SLC4A10: variants seen among roughly 807,000 people sequenced by gnomAD.
SLC4A10 encodes the protein sodium-driven chloride bicarbonate exchanger.
Under a neutral mutation model 137.7 loss-of-function variants are expected in SLC4A10, and 42 were observed. That is an observed-to-expected ratio of 0.30 (90% CI 0.24 to 0.39). SLC4A10 has a LOEUF of 0.39. Among genes scored for constraint, SLC4A10 ranks in the 10% least tolerant of loss-of-function variants. The probability of loss-of-function intolerance (pLI) is 1.00; values close to 1 mark genes in which losing one functional copy is unlikely to be tolerated. For synonymous variants in SLC4A10, 474 were observed against 464.1 expected, an observed-to-expected ratio of 1.02 and a Z score of -0.27; for missense variants, 925 against 1,355.0, an observed-to-expected ratio of 0.68 and a Z score of 4.98.
At chr2:161,967,682 T>G (rs1327093049) in intron 23 of SLC4A10, among the ~76,000 whole-genome samples, 1 of 152,214 alleles carries the variant, frequency 6.6e-6, no homozygotes, top group Non-Finnish European at 1.5e-5. Context: ...CATGTTTGTA[T>G]AGCTCACATT....
At chr2:161,901,193 A>G in intron 12 of SLC4A10, 182 bp downstream of exon 12, 1 of 590,824 alleles carries the variant, frequency 1.7e-6, no homozygotes, top group Non-Finnish European at 3.1e-6. Context: ...CTGTTAAACT[A>G]AAACAGTGGA....
intron 1 of SLC4A10, among the ~76,000 whole-genome samples, chr2:161,768,505 C>T (rs1374574993): frequency 1.3e-5 from 2 of 151,820 alleles, no homozygotes; most frequent in South Asian, 2.1e-4. Flanking sequence ...TGGATCTGGC[C>T]TCTCCTTCAT....
At chr2:161,871,805 A>C (rs899643468) in intron 6 of SLC4A10, among the ~76,000 whole-genome samples, 1 of 152,048 alleles carries the variant, frequency 6.6e-6, no homozygotes, top group Non-Finnish European at 1.5e-5. Context: ...GGCCAAAGAA[A>C]TTTTTTTCAT....
At chr2:161,777,577 C>T (rs538400788) in intron 2 of SLC4A10, among the ~76,000 whole-genome samples, 11 of 152,094 alleles carry the variant, frequency 7.2e-5, no homozygotes, top group Admixed American at 2.6e-4. Flanking sequence ...GCCTCACAAT[C>T]ATGGAAGGCA....
chr2:161,626,522 A>T (rs920084077), intron 1 of SLC4A10, among the ~76,000 whole-genome samples: 4 of 152,202 alleles, frequency 2.6e-5, no homozygotes, highest in Admixed American at 1.3e-4. Context: ...TCATATTAGC[A>T]GATCATCACA....
chr2:161,909,613 C>G (rs1422718326), intron 15 of SLC4A10, among the ~76,000 whole-genome samples: 1 of 152,174 alleles, frequency 6.6e-6, no homozygotes, highest in South Asian at 2.1e-4. Context: ...GTTGTTAAGC[C>G]TTGATTGGCT....
chr2:161,751,537 C>T (rs781700721), intron 1 of SLC4A10, among the ~76,000 whole-genome samples: 19 of 151,314 alleles, frequency 1.3e-4, no homozygotes, highest in Non-Finnish European at 2.5e-4. Context: ...TTTTATTCTC[C>T]CCTTGATTAT....
At chr2:161,809,969 G>T (rs62187681) in intron 3 of SLC4A10, among the ~76,000 whole-genome samples, 10,103 of 152,172 alleles carry the variant, frequency 0.066, 441 homozygotes, top group East Asian at 0.15. Context: ...GCTTTGGGCA[G>T]TATGGCCATT....
intron 10 of SLC4A10, 61 bp downstream of exon 10, chr2:161,882,505 G>A: frequency 9.5e-7 from 1 of 1,057,742 alleles, no homozygotes; most frequent in Non-Finnish European, 1.4e-6. Flanking sequence ...AACTTTTGGA[G>A]GTCCTCTTTT....
At chr2:161,977,238 T>G (rs1273449987) in intron 25 of SLC4A10, 1 of 344,304 alleles carries the variant, frequency 2.9e-6, no homozygotes, top group Non-Finnish European at 5.7e-6. Flanking sequence ...TAGACTGATA[T>G]GCACTGTGTG....
intron 1 of SLC4A10, among the ~76,000 whole-genome samples, chr2:161,682,803 T>C (rs561017546): frequency 5.3e-4 from 81 of 152,162 alleles, no homozygotes; most frequent in African/African-American, 1.9e-3. Context: ...CCACATGGTG[T>C]CTCCTGTAGG....
chr2:161,834,860 A>G lies in SLC4A10; in HGVS notation c.278-4929A>G, dbSNP rs117802210. Among the ~76,000 whole-genome samples, 7 of 152,184 alleles carry G rather than the reference A, an allele frequency of 4.6e-5. No homozygotes were observed. In the East Asian group the frequency reaches 1.2e-3, roughly 25 times the overall value. On this transcript the variant is annotated intron_variant, in intron 3 of 26. Coordinates refer to ENST00000446997, the MANE Select transcript of SLC4A10 (RefSeq NM_001178015.2). ...AGCAGTTTCTCTAAAAAACAGCAATAATCTCAATTATCTGAACTGAACTGA... is the reference window on the plus strand; with the variant it reads ...AGCAGTTTCTCTAAAAAACAGCAATGATCTCAATTATCTGAACTGAACTGA...
intron 3 of SLC4A10, among the ~76,000 whole-genome samples, chr2:161,822,782 A>C (rs755034463): frequency 6.6e-6 from 1 of 152,134 alleles, no homozygotes; most frequent in Non-Finnish European, 1.5e-5. Context: ...GGAGACCATC[A>C]TGGCCAACAT....
At chr2:161,868,010 C>T (rs904211545) in intron 6 of SLC4A10, among the ~76,000 whole-genome samples, 2 of 151,794 alleles carry the variant, frequency 1.3e-5, no homozygotes, top group African/African-American at 2.4e-5. Flanking sequence ...ATCCCAGTTT[C>T]CTTCTAGTGC....
At chr2:161,983,081 G>T in intron 26 of SLC4A10, 98 bp from the exon 27 acceptor site, 1 of 1,049,260 alleles carries the variant, frequency 9.5e-7, no homozygotes, top group Non-Finnish European at 1.4e-6. Flanking sequence ...GGCTCTTGTG[G>T]TGCTTTGGGG....
At chr2:161,793,508 CTA>C (rs2054436872) in intron 2 of SLC4A10, among the ~76,000 whole-genome samples, 1 of 150,988 alleles carries the variant, frequency 6.6e-6, no homozygotes, top group Admixed American at 6.7e-5. Flanking sequence ...CCTCCTCGTT[CTA>C]TCTTTCCTCT....
intron 2 of SLC4A10, among the ~76,000 whole-genome samples, chr2:161,797,898 T>C (rs1029778866): frequency 2.2e-4 from 33 of 152,192 alleles, no homozygotes; most frequent in Non-Finnish European, 3.4e-4. Flanking sequence ...ATTTCTACTT[T>C]CTATCTAGAA....
chr2:161,747,964 T>C (rs532099241), intron 1 of SLC4A10, among the ~76,000 whole-genome samples: 1 of 152,178 alleles, frequency 6.6e-6, no homozygotes, highest in Non-Finnish European at 1.5e-5. Flanking sequence ...ATTTACCTTA[T>C]GTCTTATGTC....
intron 11 of SLC4A10, among the ~76,000 whole-genome samples, chr2:161,897,076 T>TA (rs911540353): frequency 1.4e-4 from 21 of 152,134 alleles, no homozygotes; most frequent in African/African-American, 5.1e-4. Context: ...GGGAAGATTT[T>TA]AAAATTATAA....
Sources: gnomAD v4.1 joint callset for allele counts (sites outside exome capture counted in the v4.1 genomes callset) on GRCh38, gnomAD v4.1.1 for gene constraint, MANE v1.5 for transcripts, NCBI Gene and HGNC (gene_info 2026-07-23, HGNC 2026-07-21) for gene names.